SLC38A10: variants seen among roughly 807,000 people sequenced by gnomAD.
SLC38A10 encodes the protein solute carrier family 38 member 10.
SLC38A10 carries 53 observed loss-of-function variants against 81.0 expected under a neutral mutation model. The ratio of observed to expected loss-of-function variants is 0.65; its 90% CI spans 0.53 to 0.82. SLC38A10 has a LOEUF of 0.82. Ranked by LOEUF, SLC38A10 falls within the 40% of genes least tolerant of loss-of-function variation. The pLI is 0.00. For synonymous variants in SLC38A10, 665 were observed against 655.3 expected, an observed-to-expected ratio of 1.01 and a Z score of -0.23; for missense variants, 1,471 against 1,545.0, an observed-to-expected ratio of 0.95 and a Z score of 0.80.
intron 14 of SLC38A10, chr17:81,250,148 A>G (rs2062897123): frequency 3.1e-6 from 4 of 1,274,166 alleles, no homozygotes; most frequent in Non-Finnish European, 4.1e-6. Flanking sequence ...AAACCGTGAA[A>G]AGTCTTTTTC....
Position 81,272,526 on chromosome 17 carries a change from A to G in SLC38A10, c.1014T>C (p.Leu338=). 6.3e-7 allele frequency: 1 copy of G among 1,593,334 alleles called. No individual in the cohort carries two copies. The highest frequency in any genetic ancestry group is 8.5e-7 in the Non-Finnish European group (1 of 1,171,456). Reference sequence around the variant, plus strand: ...GCCCTCCCGCCTTACCGTTGGGGATAAGGATGCCACCAACCATGGTTCCAA... The same window carrying G: ...GCCCTCCCGCCTTACCGTTGGGGATGAGGATGCCACCAACCATGGTTCCAA... ...VVFGTMVGGI[L]IPNVETILGL... is the part of the protein sequence containing the mutation. The change falls in exon 9 of 16, where the codon CTT becomes CTC. Residue 338 remains leucine, a synonymous_variant. Transcript: ENST00000374759.
Position 81,289,333 on chromosome 17 carries a change from C to T in SLC38A10, c.217+358G>A, listed in dbSNP as rs1191580327. Reference sequence around the variant, plus strand: ...CTGGGATTACAGGCACGAGCCACCACGCCCGGCAGGTTTTTTTTTTAACTG... The same window carrying T: ...CTGGGATTACAGGCACGAGCCACCATGCCCGGCAGGTTTTTTTTTTAACTG... On this transcript the variant is annotated intron_variant, in intron 2 of 15. Coordinates refer to ENST00000374759, the MANE Select transcript of SLC38A10 (RefSeq NM_001037984.3). The surrounding 1 kb of genome is among the most constrained non-coding windows in gnomAD (Gnocchi z 5.9). Among the ~76,000 whole-genome samples, 5 of 151,928 alleles carry T rather than the reference C, an allele frequency of 3.3e-5. No individual in the cohort carries two copies. Among genetic ancestry groups the T allele is most frequent in the East Asian group, 1.9e-4 (1 of 5,180 alleles).
chr17:81,250,070 C>A, intron 14 of SLC38A10: 1 of 1,288,774 alleles, frequency 7.8e-7, no homozygotes, highest in South Asian at 1.2e-5. Context: ...GGGTTCGTAC[C>A]TGCTACTATC....
At position 81,245,703 on chromosome 17, in the gene SLC38A10, GAT is replaced by G. The variant is rs1252497272; in HGVS notation, c.3211_3212del (p.Ile1071HisfsTer4). 7.9e-6 allele frequency: 4 copies of G among 507,312 alleles called. No homozygotes were observed. Among genetic ancestry groups the G allele is most frequent in the Non-Finnish European group, 2.7e-6 (1 of 364,170 alleles). The allele number at this position is 507,312 out of a possible 1,614,324, so 31.4% of individuals were successfully genotyped here. On this transcript the variant is annotated frameshift_variant, in exon 16 of 16. Transcript: ENST00000374759. LOFTEE classifies it low-confidence loss of function (END_TRUNC). ...CATCAGGCAGGGGGTTAAGGCCAAT[GAT>G]GACCCCATCCCTCGGGGCCAGCTGA... ...EGQLAPRDGV[I>X]IGLNPLPDVQ... is the part of the protein sequence containing the mutation.
Position 81,276,037 on chromosome 17 carries a change from C to A in SLC38A10, c.844G>T (p.Ala282Ser), listed in dbSNP as rs1342406382. The A allele has an allele frequency of 1.9e-6, 3 of 1,613,866 alleles. No individual in the cohort carries two copies. The highest frequency in any genetic ancestry group is 1.3e-5 in the African/African-American group (1 of 74,942). ...MLRVGFMMSV[A>S]VGFPMMILPC... ...AGGATCATCATGGGGAAGCCCACAG[C>A]CACTGACATCATGAAGCCCACACGG... The change falls in exon 8 of 16, where the codon GCT becomes TCT. Residue 282 changes from alanine (A) to serine (S), a missense_variant. By Grantham distance (99) the Ala-to-Ser change is moderately conservative. This residue lies in a region of SLC38A10 where 720 missense variants were observed against 827.7 expected (regional missense o/e 0.87). Coordinates refer to ENST00000374759, the MANE Select transcript of SLC38A10 (RefSeq NM_001037984.3). This position sits in a 1 kb window ranked among gnomAD's most constrained non-coding sequence, Gnocchi z 4.7.
In SLC38A10 at chr17:81,252,630, C is replaced by T. The variant is rs2062930275; in HGVS notation, c.1510G>A (p.Asp504Asn). The T allele has an allele frequency of 1.9e-6, 3 of 1,612,298 alleles. No homozygotes were observed. In the African/African-American group the frequency reaches 4.0e-5, roughly 21 times the overall value. ...AHRHEPPVPH[D>N]KVVVDEGQDR... ...TGGCCTTCATCTACCACCACCTTGT[C>T]GTGAGGAACAGGAGGCTCGTGGCGG... Residue 504 changes from aspartate to asparagine, a missense_variant, in exon 13 of 16, where the codon GAC becomes AAC. Physicochemically the swap from Asp to Asn is conservative, Grantham distance 23. Transcript: ENST00000374759.
intron 14 of SLC38A10, among the ~76,000 whole-genome samples, chr17:81,248,955 C>A (rs1243398718): frequency 3.3e-5 from 5 of 152,234 alleles, no homozygotes; most frequent in Admixed American, 3.3e-4. Context: ...CCTCCTTTCA[C>A]AGGAGGAAGT....
chr17:81,276,158 G>A lies in SLC38A10; in HGVS notation c.730-7C>T, dbSNP rs755035368. 3.1e-6 allele frequency: 5 copies of A among 1,605,902 alleles called. No homozygotes were observed. Among genetic ancestry groups the A allele is most frequent in the Non-Finnish European group, 4.3e-6 (5 of 1,174,726 alleles). The stretch of plus-strand genomic sequence containing the variant: ...CGTAGCCGAAAAACCCCACCTGTTG[G>A]AGAATAAGAAATGGCAACGTGGCAG... On this transcript the variant is annotated splice_region_variant and splice_polypyrimidine_tract_variant and intron_variant, in intron 7 of 15. Transcript: ENST00000374759. The surrounding 1 kb of genome is among the most constrained non-coding windows in gnomAD (Gnocchi z 4.7).
rs902576522 is a variant in SLC38A10, at chr17:81,290,200, C to T, written c.100-392G>A. Among the ~76,000 whole-genome samples, 6 of 152,306 alleles carry T rather than the reference C, an allele frequency of 3.9e-5. No individual in the cohort carries two copies. In the East Asian group the frequency reaches 9.6e-4, roughly 24 times the overall value. On this transcript the variant is annotated intron_variant, in intron 1 of 15. Coordinates refer to ENST00000374759, the MANE Select transcript of SLC38A10 (RefSeq NM_001037984.3). ...AAGAGATTAAAAATGCCATTTTCCC[C>T]GTTCTCATAAGTTAAATAGACACTT...
chr17:81,290,008 C>A (rs2063298181), intron 1 of SLC38A10, among the ~76,000 whole-genome samples, 200 bp from the exon 2 acceptor site: 1 of 152,250 alleles, frequency 6.6e-6, no homozygotes, highest in Non-Finnish European at 1.5e-5. Flanking sequence ...AGGGATGAAG[C>A]TGTATGCGCA....
intron 10 of SLC38A10, among the ~76,000 whole-genome samples, chr17:81,260,613 G>A (rs1314721826): frequency 9.8e-5 from 15 of 152,296 alleles, no homozygotes; most frequent in East Asian, 1.9e-4. Flanking sequence ...CGAAGCTCCC[G>A]ACCACTGGGA....
At position 81,270,895 on chromosome 17, in the gene SLC38A10, G is replaced by C; in HGVS notation, c.1131+23C>G. ...CCCAGACCCATCAGCCCTCGTCCAG[G>C]CCACCCCACGAGCAGCACGCACCTG... On this transcript the variant is annotated intron_variant, in intron 10 of 15. Transcript: ENST00000374759. This position sits in a 1 kb window ranked among gnomAD's most constrained non-coding sequence, Gnocchi z 4.0. 6.2e-7 allele frequency: 1 copy of C among 1,608,328 alleles called. No individual in the cohort carries two copies. The highest frequency in any genetic ancestry group is 8.5e-7 in the Non-Finnish European group (1 of 1,175,176).
rs779530142 is a variant in SLC38A10, at chr17:81,246,011, G to T, written c.2905C>A (p.Gln969Lys). Reference sequence around the variant, plus strand: ...AGCCGGTGGCCCTGCTGTCCACCCTGCTCGCCATCAGAGATGACCCGCAGT... The same window carrying T: ...AGCCGGTGGCCCTGCTGTCCACCCTTCTCGCCATCAGAGATGACCCGCAGT... ...PELRVISDGEQGGQQGHRLDH... is the reference protein window; with the variant it reads ...PELRVISDGEKGGQQGHRLDH... The change falls in exon 16 of 16, where the codon CAG becomes AAG. Residue 969 changes from glutamine (Q) to lysine (K), a missense_variant. By Grantham distance (53) the Gln-to-Lys change is moderately conservative. This residue lies in a region of SLC38A10 where 751 missense variants were observed against 717.4 expected (regional missense o/e 1.05). Transcript: ENST00000374759. 8.7e-6 allele frequency: 14 copies of T among 1,608,662 alleles called. No homozygotes were observed. The Admixed American group carries it at 2.2e-4, about 25-fold the overall frequency.
Position 81,270,272 on chromosome 17 carries a change from C to T in SLC38A10, c.1131+646G>A, listed in dbSNP as rs1330275843. Among the ~76,000 whole-genome samples, 9 of 152,166 alleles carry T rather than the reference C, an allele frequency of 5.9e-5. No individual in the cohort carries two copies. Among genetic ancestry groups the T allele is most frequent in the Non-Finnish European group, 7.3e-5 (5 of 68,028 alleles). On this transcript the variant is annotated intron_variant, in intron 10 of 15. Transcript: ENST00000374759. The surrounding 1 kb of genome is among the most constrained non-coding windows in gnomAD (Gnocchi z 4.0). ...ATTTCTAGAAGGCTTCCTACAGACG[C>T]GTGCTCAAATACGTCGACATGCTCA... is the stretch of plus-strand genomic sequence containing the variant.
rs563405953 is a variant in SLC38A10 at position 81,276,496 on chromosome 17, A to G, written c.730-345T>C. 6.6e-6 allele frequency among the ~76,000 whole-genome samples: 1 copy of G among 151,244 alleles called. No individual in the cohort carries two copies. The highest frequency in any genetic ancestry group is 1.5e-5 in the Non-Finnish European group (1 of 67,870). On this transcript the variant is annotated intron_variant, in intron 7 of 15. Transcript: ENST00000374759. This position sits in a 1 kb window ranked among gnomAD's most constrained non-coding sequence, Gnocchi z 4.7. ...TGCCTCCCCGGTCCTGGTTCAAGCA[A>G]TTCTCCTGCCTCAGCCTCCCGAGTA...
At chr17:81,290,624 A>C (rs1411055282) in intron 1 of SLC38A10, among the ~76,000 whole-genome samples, 1 of 152,146 alleles carries the variant, frequency 6.6e-6, no homozygotes, top group African/African-American at 2.4e-5. Flanking sequence ...GCTGATGACA[A>C]AGGGGCACAT....
At position 81,294,808 on chromosome 17, in the gene SLC38A10, G is replaced by A; in HGVS notation, c.99+15C>T. Reference sequence around the variant, plus strand: ...GGGAGGCGAGGGCGGTGATCTCCGGGCCCACCGGACTCACCTGTTTGAAGC... The same window carrying A: ...GGGAGGCGAGGGCGGTGATCTCCGGACCCACCGGACTCACCTGTTTGAAGC... On this transcript the variant is annotated intron_variant, in intron 1 of 15. Transcript: ENST00000374759. The A allele has an allele frequency of 6.4e-7, 1 of 1,570,108 alleles. No homozygotes were observed. Among genetic ancestry groups the A allele is most frequent in the South Asian group, 1.2e-5 (1 of 86,360 alleles).
rs1034600537 is a variant in SLC38A10, at chr17:81,275,472, G to A, written c.912+497C>T. 4.0e-5 allele frequency among the ~76,000 whole-genome samples: 6 copies of A among 150,696 alleles called. No individual in the cohort carries two copies. The East Asian group carries it at 8.0e-4, about 20-fold the overall frequency. ...CAGTGGGCCGGGCGCGGTGGCTCAC[G>A]CCTGTAATCCCAGCACTTTGGGAGG... On this transcript the variant is annotated intron_variant, in intron 8 of 15. Transcript: ENST00000374759.
At chr17:81,280,915 AC>A (rs1661618186) in intron 5 of SLC38A10, among the ~76,000 whole-genome samples, 182 bp from the exon 6 acceptor site, 1 of 151,236 alleles carries the variant, frequency 6.6e-6, no homozygotes, top group South Asian at 2.1e-4. Flanking sequence ...AGGCAGGGAG[AC>A]CCCGCGCCTT....
Sources: allele counts gnomAD v4.1 joint callset (sites outside exome capture counted in the v4.1 genomes callset), GRCh38; gene constraint gnomAD v4.1.1; regional missense constraint gnomAD v4.1.1; non-coding constraint Gnocchi (gnomAD v3.1); transcripts MANE v1.5; gene names NCBI Gene and HGNC (gene_info 2026-07-23, HGNC 2026-07-21).